Variants in LMNTD1 observed in about 807,000 individuals in gnomAD.
LMNTD1 encodes lamin tail domain containing 1.
In LMNTD1, 35 loss-of-function variants were observed where a neutral mutation model predicts 50.9. That is an observed-to-expected ratio of 0.69 (90% CI 0.53 to 0.91). The LOEUF is 0.91. Ranked by LOEUF, LMNTD1 falls within the 40% of genes least tolerant of loss-of-function variation. The probability of loss-of-function intolerance (pLI) is 0.00; values close to 1 mark genes in which losing one functional copy is unlikely to be tolerated. For synonymous variants in LMNTD1, 153 were observed against 161.9 expected (o/e 0.94, Z 0.42); for missense variants, 470 against 475.5 (o/e 0.99, Z 0.11).
chr12:25,553,253 AG>A lies in LMNTD1; in HGVS notation c.-216del, dbSNP rs1943879391. The A allele has an allele frequency of 6.8e-7, 1 of 1,462,676 alleles. No homozygotes were observed. The highest frequency in any genetic ancestry group is 1.4e-5 in the African/African-American group (1 of 70,002). The allele number at this position is 1,462,676 out of a possible 1,614,324, so 90.6% of individuals were successfully genotyped here. On this transcript the variant is annotated 5_prime_UTR_variant, in exon 1 of 10. The change creates a new upstream start codon in the 5' untranslated region. Transcript: ENST00000458174. ...TTCACTGGAAGCAGCTTGAGAGGGC[AG>A]TAACTTGGCAAAGAGACCTTTATGA...
At chr12:25,569,640 A>G (rs1944704063) in intron 1 of LMNTD1, among the ~76,000 whole-genome samples, 1 of 152,190 alleles carries the variant, frequency 6.6e-6, no homozygotes, top group Non-Finnish European at 1.5e-5. Context: ...CAGATCACTC[A>G]TGATTGGTTT....
intron 9 of LMNTD1, among the ~76,000 whole-genome samples, chr12:25,496,347 G>T (rs531812683): frequency 2.0e-5 from 3 of 152,208 alleles, no homozygotes; most frequent in Non-Finnish European, 4.4e-5. Flanking sequence ...AACTTTTATT[G>T]TACACTCTTA....
intron 1 of LMNTD1, among the ~76,000 whole-genome samples, chr12:25,647,058 G>T (rs7973226): frequency 0.6 from 91,451 of 152,060 alleles, 28,145 homozygotes; most frequent in Non-Finnish European, 0.68. Context: ...TTTTCTTCTG[G>T]TGACTTCTCA....
chr12:25,566,449 C>T (rs141300740), intron 1 of LMNTD1, among the ~76,000 whole-genome samples: 85 of 152,310 alleles, frequency 5.6e-4, no homozygotes, highest in African/African-American at 1.9e-3. Context: ...GTTTGTATAA[C>T]GACTTCTTTT....
chr12:25,569,676 CTCAT>C (rs1422592277), intron 1 of LMNTD1, among the ~76,000 whole-genome samples: 1 of 152,110 alleles, frequency 6.6e-6, no homozygotes, highest in African/African-American at 2.4e-5. Context: ...GTGATAAGTT[CTCAT>C]TCAGTTAGTT....
chr12:25,581,721 A>G (rs1945297027), intron 1 of LMNTD1, among the ~76,000 whole-genome samples: 1 of 152,224 alleles, frequency 6.6e-6, no homozygotes, highest in South Asian at 2.1e-4. Context: ...CAAACATCAC[A>G]AAGTGTACTT....
chr12:25,489,951 G>A (rs147344609), intron 9 of LMNTD1, among the ~76,000 whole-genome samples: 84 of 152,180 alleles, frequency 5.5e-4, no homozygotes, highest in African/African-American at 1.9e-3. Context: ...CTGTAAAAAC[G>A]GTACTGATAA....
At chr12:25,607,699 C>T (rs147969353) in intron 1 of LMNTD1, among the ~76,000 whole-genome samples, 1 of 152,256 alleles carries the variant, frequency 6.6e-6, no homozygotes, top group East Asian at 1.9e-4. Flanking sequence ...GTCTGAGAGA[C>T]AGTTTATTGT....
chr12:25,539,385 C>T (rs1351701176), intron 4 of LMNTD1, among the ~76,000 whole-genome samples: 1 of 152,054 alleles, frequency 6.6e-6, no homozygotes, highest in Non-Finnish European at 1.5e-5. Flanking sequence ...TCTCAGACCA[C>T]AGTGCAATCA....
At chr12:25,492,833 T>C (rs958517312) in intron 9 of LMNTD1, among the ~76,000 whole-genome samples, 6 of 152,218 alleles carry the variant, frequency 3.9e-5, no homozygotes, top group Non-Finnish European at 7.3e-5. Context: ...CTATAACTTA[T>C]GGGAGCATGT....
chr12:25,563,743 G>A (rs987487738), intron 1 of LMNTD1, among the ~76,000 whole-genome samples: 20 of 152,326 alleles, frequency 1.3e-4, no homozygotes, highest in African/African-American at 4.8e-4. Context: ...GCCCCCAGGG[G>A]TGTACTCTAC....
At chr12:25,621,220 C>CT (rs760740933) in intron 1 of LMNTD1, among the ~76,000 whole-genome samples, 5 of 151,954 alleles carry the variant, frequency 3.3e-5, no homozygotes, top group African/African-American at 9.7e-5. Flanking sequence ...GCAGGGGTAA[C>CT]TTTTTTTATT....
At chr12:25,631,894 C>T (rs1237055863) in intron 1 of LMNTD1, among the ~76,000 whole-genome samples, 1 of 151,684 alleles carries the variant, frequency 6.6e-6, no homozygotes, top group African/African-American at 2.4e-5. Flanking sequence ...AAGGAAACCC[C>T]AAAAAAGATA....
intron 1 of LMNTD1, among the ~76,000 whole-genome samples, chr12:25,560,899 C>T (rs1462385868): frequency 6.6e-6 from 1 of 152,152 alleles, no homozygotes; most frequent in Non-Finnish European, 1.5e-5. Context: ...TGAGACTTTG[C>T]TGAAGTTGCT....
In LMNTD1 at chr12:25,600,155, C is replaced by T. The variant is rs551925401; in HGVS notation, c.58+48339G>A. ...GAAAAACAAATCCACACACCTACAGCGAACTCATTTTTGAAAAAGGTGCCA... is the reference window on the plus strand; with the variant it reads ...GAAAAACAAATCCACACACCTACAGTGAACTCATTTTTGAAAAAGGTGCCA... On this transcript the variant is annotated intron_variant, in intron 1 of 7. Transcript: ENST00000445693. 1.1e-4 allele frequency among the ~76,000 whole-genome samples: 17 copies of T among 151,880 alleles called. No homozygotes were observed. In the East Asian group the frequency reaches 1.9e-3, roughly 17 times the overall value.
chr12:25,523,272 T>C (rs953144889), intron 6 of LMNTD1, among the ~76,000 whole-genome samples: 14 of 152,146 alleles, frequency 9.2e-5, no homozygotes, highest in African/African-American at 3.4e-4. Context: ...GACCTTGTGA[T>C]CCGCCCGCCT....
At chr12:25,509,933 C>A (rs543093693) in intron 8 of LMNTD1, among the ~76,000 whole-genome samples, 1 of 152,292 alleles carries the variant, frequency 6.6e-6, no homozygotes, top group Admixed American at 6.5e-5. Flanking sequence ...TGCTTTTAGA[C>A]TTCTGCCTCA....
In LMNTD1 at chr12:25,622,953, A is replaced by G. The variant is rs139687232; in HGVS notation, c.58+25541T>C. 3.3e-4 allele frequency among the ~76,000 whole-genome samples: 44 copies of G among 133,750 alleles called. No homozygotes were observed. The East Asian group carries it at 8.6e-3, about 26-fold the overall frequency. 87.7% of individuals were successfully genotyped at this position (133,750 alleles called of 152,430 possible). On this transcript the variant is annotated intron_variant, in intron 1 of 7. Transcript: ENST00000445693. ...TAAACATCTGTTTTTCTAGCCCCAA[A>G]CAGATAAATCAGAAATAAGCTGGCG...
intron 9 of LMNTD1, among the ~76,000 whole-genome samples, chr12:25,491,664 G>T (rs1938888814): frequency 6.6e-6 from 1 of 152,210 alleles, no homozygotes; most frequent in Admixed American, 6.5e-5. Context: ...ATTTGAGGTG[G>T]TGCCAGCCTG....
Sources: allele counts gnomAD v4.1 joint callset (sites outside exome capture counted in the v4.1 genomes callset), GRCh38; gene constraint gnomAD v4.1.1; transcripts MANE v1.5; gene names NCBI Gene and HGNC (gene_info 2026-07-23, HGNC 2026-07-21).